ZC3H12B: variants seen among roughly 807,000 people sequenced by gnomAD.
ZC3H12B encodes the protein probable ribonuclease ZC3H12B.
A neutral mutation model predicts 43.9 loss-of-function variants in ZC3H12B; 7 were observed. The ratio of observed to expected loss-of-function variants is 0.16; its 90% confidence interval spans 0.09 to 0.30. The LOEUF (loss-of-function observed/expected upper bound fraction) is 0.30. Ranked by LOEUF, ZC3H12B falls within the 10% of genes least tolerant of loss-of-function variation. The pLI is 1.00. For missense variants in ZC3H12B, 475 were observed against 670.2 expected (o/e 0.71, Z 3.22); for synonymous variants, 222 against 241.7 (o/e 0.92, Z 0.76).
At chrX:65,095,634 AGGTAGCCCTTTG>A in the ZC3H12B span, among the ~76,000 whole-genome samples, 1 of 111,961 alleles carries the variant, frequency 8.9e-6, no homozygotes, top group South Asian at 3.8e-4. Context: ...GGAGAAAAGT[AGGTAGCCCTTTG>A]GAAATATGTC....
chrX:65,213,514 A>G, the ZC3H12B span, among the ~76,000 whole-genome samples: 2 of 110,906 alleles, frequency 1.8e-5, no homozygotes, highest in Non-Finnish European at 3.8e-5. Flanking sequence ...TATTTGCGCT[A>G]TACATGGTTG....
chrX:65,384,694 T>G (rs747107493), intron 2 of ZC3H12B, among the ~76,000 whole-genome samples: 9 of 111,641 alleles, frequency 8.1e-5, no homozygotes, highest in Non-Finnish European at 1.7e-4. Flanking sequence ...ATGGACTAAA[T>G]TCTACAATCA....
At chrX:65,051,170 A>G in the ZC3H12B span, among the ~76,000 whole-genome samples, 3 of 111,091 alleles carry the variant, frequency 2.7e-5, no homozygotes, top group African/African-American at 9.8e-5. Flanking sequence ...ATTTCTTTTA[A>G]TCCTGTTAAT....
chrX:65,044,673 A>G, the ZC3H12B span, among the ~76,000 whole-genome samples: 2 of 111,339 alleles, frequency 1.8e-5, no homozygotes, highest in African/African-American at 3.3e-5. Context: ...TACTGGGGAA[A>G]GTGAAAATTA....
the ZC3H12B span, among the ~76,000 whole-genome samples, chrX:65,179,659 A>G: frequency 9.0e-6 from 1 of 111,625 alleles, no homozygotes; most frequent in Admixed American, 9.6e-5. Flanking sequence ...ATAGGATGTC[A>G]CCACTGATCC....
At chrX:65,178,750 G>T in the ZC3H12B span, among the ~76,000 whole-genome samples, 7 of 112,081 alleles carry the variant, frequency 6.2e-5, no homozygotes, top group Non-Finnish European at 1.3e-4. Context: ...TCATTAAAAA[G>T]TCAGGAAACA....
the ZC3H12B span, among the ~76,000 whole-genome samples, chrX:65,335,602 T>G: frequency 1.8e-5 from 2 of 111,148 alleles, no homozygotes; most frequent in Non-Finnish European, 3.8e-5. Context: ...ATTGTAAAGG[T>G]CATACAGATA....
At chrX:65,172,196 T>C in the ZC3H12B span, among the ~76,000 whole-genome samples, 2 of 112,673 alleles carry the variant, frequency 1.8e-5, no homozygotes, top group African/African-American at 6.4e-5. Flanking sequence ...GTGATGACGA[T>C]CTTTTTTTCA....
intron 2 of ZC3H12B, among the ~76,000 whole-genome samples, chrX:65,396,658 C>A (rs1157921416): frequency 9.1e-6 from 1 of 109,686 alleles, no homozygotes; most frequent in East Asian, 2.9e-4. Context: ...CTATGTGGTG[C>A]TGAGAAGAAT....
chrX:65,111,906 G>T, the ZC3H12B span, among the ~76,000 whole-genome samples: 3 of 111,145 alleles, frequency 2.7e-5, no homozygotes, highest in African/African-American at 9.8e-5. Context: ...GCCTCTAAAT[G>T]TTCAAGTGAA....
chrX:65,342,076 C>G, the ZC3H12B span, among the ~76,000 whole-genome samples: 4 of 110,757 alleles, frequency 3.6e-5, no homozygotes, highest in Non-Finnish European at 5.7e-5. Context: ...AAAGATCTAC[C>G]AAGCAAATGA....
At chrX:65,075,552 TC>T in the ZC3H12B span, among the ~76,000 whole-genome samples, 89 of 111,647 alleles carry the variant, frequency 8.0e-4, no homozygotes, top group African/African-American at 2.8e-3. Flanking sequence ...TCTCAAGCAG[TC>T]CCCCCAAAAA....
At chrX:65,357,161 C>T in the ZC3H12B span, 1 of 449,550 alleles carries the variant, frequency 2.2e-6, no homozygotes. Context: ...GAGGCCATTT[C>T]TTCACCTCTT....
the ZC3H12B span, among the ~76,000 whole-genome samples, chrX:65,152,772 C>T: frequency 9.0e-6 from 1 of 111,641 alleles, no homozygotes; most frequent in East Asian, 2.8e-4. Context: ...CCCGCATTGC[C>T]AAGTCAATCC....
the ZC3H12B span, among the ~76,000 whole-genome samples, chrX:65,267,663 C>G: frequency 9.0e-6 from 1 of 111,339 alleles, no homozygotes; most frequent in African/African-American, 3.3e-5. Flanking sequence ...TAGAATATCT[C>G]TCCTGTACAA....
the ZC3H12B span, among the ~76,000 whole-genome samples, chrX:65,142,426 G>C: frequency 8.9e-6 from 1 of 112,136 alleles, no homozygotes; most frequent in Non-Finnish European, 1.9e-5. Flanking sequence ...TGTATGGATT[G>C]TTAAAGAATT....
chrX:65,356,507 C>T, the ZC3H12B span, among the ~76,000 whole-genome samples: 1 of 111,821 alleles, frequency 8.9e-6, no homozygotes, highest in Non-Finnish European at 1.9e-5. Flanking sequence ...GCTCTCCCTT[C>T]CCTTTATATA....
the ZC3H12B span, among the ~76,000 whole-genome samples, chrX:65,034,964 G>A: frequency 6.2e-5 from 7 of 112,578 alleles, no homozygotes; most frequent in African/African-American, 2.3e-4. Flanking sequence ...GACTGGTAAC[G>A]GCGGTCCCTC....
At chrX:65,310,347 T>C in the ZC3H12B span, among the ~76,000 whole-genome samples, 1 of 111,465 alleles carries the variant, frequency 9.0e-6, no homozygotes. Context: ...AGCATTCCTA[T>C]ACACCAATAA....
Sources: allele counts gnomAD v4.1 joint callset (sites outside exome capture counted in the v4.1 genomes callset), GRCh38; gene constraint gnomAD v4.1.1; transcripts MANE v1.5; gene names NCBI Gene and HGNC (gene_info 2026-07-23, HGNC 2026-07-21).